Variants in NEK8 observed in about 807,000 individuals in gnomAD.
NEK8 encodes the protein serine/threonine-protein kinase Nek8.
Under a neutral mutation model 77.2 loss-of-function variants are expected in NEK8, and 51 were observed. The observed-to-expected ratio is 0.66, with a 90% confidence interval of 0.53 to 0.83. The LOEUF (loss-of-function observed/expected upper bound fraction) is 0.83, where lower values mean the gene tolerates loss of function less well. NEK8 is among the 40% of genes least tolerant of loss of function. NEK8 has a pLI of 0.00. For missense variants in NEK8, 787 were observed against 909.2 expected (o/e 0.87, Z 1.73); for synonymous variants, 365 against 363.2 (o/e 1.00, Z -0.06).
chr17:28,738,215 T>C lies in NEK8; in HGVS notation c.1192T>C (p.Cys398Arg), dbSNP rs1179235377. Reference sequence around the variant, plus strand: ...GGGTGTGACCATCAAGCACGTGGCCTGTGGGGACTTCTTCACTGCCTGCCT... The same window carrying C: ...GGGTGTGACCATCAAGCACGTGGCCCGTGGGGACTTCTTCACTGCCTGCCT... ...QSGVTIKHVACGDFFTACLTD... is the reference protein window; with the variant it reads ...QSGVTIKHVARGDFFTACLTD... The change falls in exon 8 of 15, where the codon TGT (cysteine) becomes CGT (arginine). Residue 398 changes from cysteine (C) to arginine (R), a missense_variant. Physicochemically the swap from Cys to Arg is radical, Grantham distance 180. Coordinates refer to ENST00000268766, the MANE Select transcript of NEK8 (RefSeq NM_178170.3). 6.2e-7 allele frequency: 1 copy of C among 1,614,192 alleles called. No individual in the cohort carries two copies. Among genetic ancestry groups the C allele is most frequent in the Non-Finnish European group, 8.5e-7 (1 of 1,180,018 alleles).
Position 28,730,101 on chromosome 17 carries a change from C to T in NEK8, c.47+1241C>T, listed in dbSNP as rs146653993. 2.3e-3 allele frequency among the ~76,000 whole-genome samples: 344 copies of T among 152,124 alleles called. 3 individuals carry two copies. The highest frequency in any genetic ancestry group is 7.5e-3 in the African/African-American group (310 of 41,526). On this transcript the variant is annotated intron_variant, in intron 1 of 14. Coordinates refer to ENST00000268766, the MANE Select transcript of NEK8 (RefSeq NM_178170.3). ...AGATAAAAGGTTCATTTGCCACAAA[C>T]GGTTTTGTTTTGTTTTTGTTTTTGT...
intron 1 of NEK8, among the ~76,000 whole-genome samples, chr17:28,731,563 A>T (rs1046606926): frequency 6.6e-6 from 1 of 151,936 alleles, no homozygotes; most frequent in African/African-American, 2.4e-5. Context: ...AGAAAAATAA[A>T]AAATCTTATC....
chr17:28,728,802 C>CT lies in NEK8; in HGVS notation c.-11dup, dbSNP rs1382489743. Reference sequence around the variant, plus strand: ...CCGCGTGGGGGACGGAAGTGAAACTCTAAGAAATGAGATGGAGAAGTACGA... The same window carrying CT: ...CCGCGTGGGGGACGGAAGTGAAACTCTTAAGAAATGAGATGGAGAAGTACGA... On this transcript the variant is annotated 5_prime_UTR_variant, in exon 1 of 15. Transcript: ENST00000268766. 16 of 1,551,014 alleles carry CT rather than the reference C, an allele frequency of 1.0e-5. No individual in the cohort carries two copies. The highest frequency in any genetic ancestry group is 5.9e-5 in the Admixed American group (3 of 50,994).
chr17:28,741,947 G>A lies in NEK8; in HGVS notation c.2051-12G>A. On this transcript the variant is annotated splice_polypyrimidine_tract_variant and intron_variant, in intron 14 of 14. Transcript: ENST00000268766. This position sits in a 1 kb window ranked among gnomAD's most constrained non-coding sequence, Gnocchi z 4.5. ...TCAGAAGCTGCAAGGGTTTCTCTTCGGTACCCTCCAGCGGTCACAGATGAG... is the reference window on the plus strand; with the variant it reads ...TCAGAAGCTGCAAGGGTTTCTCTTCAGTACCCTCCAGCGGTCACAGATGAG... 4.3e-6 allele frequency: 7 copies of A among 1,613,984 alleles called. No homozygotes were observed. Among genetic ancestry groups the A allele is most frequent in the Admixed American group, 1.7e-5 (1 of 60,014 alleles).
At position 28,738,183 on chromosome 17, in the gene NEK8, G is replaced by T. The variant is rs748643938; in HGVS notation, c.1160G>T (p.Gly387Val). Reference sequence around the variant, plus strand: ...CAGTTCATCTCGCGTTTCCTGGAGGGCCAGTCGGGTGTGACCATCAAGCAC... The same window carrying T: ...CAGTTCATCTCGCGTTTCCTGGAGGTCCAGTCGGGTGTGACCATCAAGCAC... ...QPQFISRFLE[G>V]QSGVTIKHVA... The change falls in exon 8 of 15, where the codon GGC becomes GTC. Residue 387 changes from glycine to valine, a missense_variant. Transcript: ENST00000268766. 6 of 1,614,068 alleles carry T rather than the reference G, an allele frequency of 3.7e-6. No homozygotes were observed. The East Asian group carries it at 1.3e-4, about 36-fold the overall frequency.
intron 1 of NEK8, among the ~76,000 whole-genome samples, chr17:28,732,677 G>A (rs1317854681): frequency 1.0e-4 from 15 of 147,232 alleles, no homozygotes; most frequent in Non-Finnish European, 1.8e-4. Context: ...TCAGCCTCCC[G>A]AGTAGCTGGG....
Position 28,735,345 on chromosome 17 carries a change from A to C in NEK8, c.592A>C (p.Ser198Arg). Residue 198 changes from serine (S) to arginine (R), a missense_variant, in exon 4 of 15, where the codon AGC becomes CGC. Physicochemically the swap from Ser to Arg is moderately radical, Grantham distance 110. This residue lies in a region of NEK8 where 271 missense variants were observed against 365.1 expected (regional missense o/e 0.74). Coordinates refer to ENST00000268766, the MANE Select transcript of NEK8 (RefSeq NM_178170.3). ...ALGCVLYELASLKRAFEAANL... is the reference protein window; with the variant it reads ...ALGCVLYELARLKRAFEAANL... The stretch of plus-strand genomic sequence containing the variant: ...GGGCTGTGTCCTCTACGAGCTGGCC[A>C]GCCTCAAGAGGGCTTTCGAGGCTGC... The C allele has an allele frequency of 6.2e-7, 1 of 1,614,044 alleles. No individual in the cohort carries two copies. Among genetic ancestry groups the C allele is most frequent in the South Asian group, 1.1e-5 (1 of 91,066 alleles).
intron 1 of NEK8, among the ~76,000 whole-genome samples, chr17:28,730,044 G>A (rs2034291677): frequency 6.6e-6 from 1 of 152,178 alleles, no homozygotes; most frequent in South Asian, 2.1e-4. Context: ...TAATTGTCGA[G>A]GGCGGGGACT....
intron 2 of NEK8, 126 bp from the exon 3 acceptor site, chr17:28,734,646 C>T: frequency 1.4e-6 from 1 of 699,950 alleles, no homozygotes; most frequent in East Asian, 2.7e-5. Flanking sequence ...GAGATCATGC[C>T]ACTGCACTCC....
Position 28,741,641 on chromosome 17 carries a change from T to A in NEK8, c.2050+70T>A. The A allele has an allele frequency of 6.6e-7, 1 of 1,508,020 alleles. No homozygotes were observed. Among genetic ancestry groups the A allele is most frequent in the Non-Finnish European group, 9.2e-7 (1 of 1,085,676 alleles). 93.4% of individuals were successfully genotyped at this position (1,508,020 alleles called of 1,614,324 possible). ...CCTGTCCACACTCCCATCCCCAGTG[T>A]TCACAGATGGCCACATCACCAAAAG... On this transcript the variant is annotated intron_variant, in intron 14 of 14. Transcript: ENST00000268766. This position sits in a 1 kb window ranked among gnomAD's most constrained non-coding sequence, Gnocchi z 4.5.
Position 28,740,879 on chromosome 17 carries a change from G to A in NEK8, c.1626G>A (p.Gln542=), listed in dbSNP as rs2034413899. ...LSLGEEPVPH[Q]QVEEALSFTL... ...TGGGGGAGGAGCCTGTCCCCCACCAGCAAGTGGAGGAGGCCCTGAGCTTCA... is the reference window on the plus strand; with the variant it reads ...TGGGGGAGGAGCCTGTCCCCCACCAACAAGTGGAGGAGGCCCTGAGCTTCA... Residue 542 remains glutamine, a synonymous_variant, in exon 12 of 15, where the codon CAG becomes CAA. Transcript: ENST00000268766. The surrounding 1 kb of genome is among the most constrained non-coding windows in gnomAD (Gnocchi z 4.7). 12 of 1,614,020 alleles carry A rather than the reference G, an allele frequency of 7.4e-6. No homozygotes were observed. The highest frequency in any genetic ancestry group is 1.7e-5 in the Admixed American group (1 of 60,008).
Position 28,741,486 on chromosome 17 carries a change from T to G in NEK8, c.1965T>G (p.Pro655=), listed in dbSNP as rs1472687770. The part of the protein sequence containing the change: ...LGRRDEDAGL[P]RPVQLDETHP... The stretch of plus-strand genomic sequence containing the variant: ...GGAGGGATGAGGATGCCGGACTCCC[T>G]CGGCCAGTGCAGTTGGATGAGACAC... The change falls in exon 14 of 15, where the codon CCT becomes CCG. Residue 655 remains proline, a synonymous_variant. Coordinates refer to ENST00000268766, the MANE Select transcript of NEK8 (RefSeq NM_178170.3). The surrounding 1 kb of genome is among the most constrained non-coding windows in gnomAD (Gnocchi z 4.5). The G allele has an allele frequency of 3.1e-6, 5 of 1,614,126 alleles. No homozygotes were observed. In the Admixed American group the frequency reaches 8.3e-5, roughly 27 times the overall value.
chr17:28,735,058 C>G (rs1478713338), intron 3 of NEK8, 54 bp downstream of exon 3: 1 of 1,514,008 alleles, frequency 6.6e-7, no homozygotes, highest in African/African-American at 1.4e-5. Context: ...AGGGCCAGGA[C>G]CTAACCCTGC....
rs749866369 is a variant in NEK8 at position 28,737,674 on chromosome 17, G to C, written c.828-1G>C. 4 of 1,614,166 alleles carry C rather than the reference G, an allele frequency of 2.5e-6. No homozygotes were observed. The Admixed American group carries it at 6.7e-5, about 27-fold the overall frequency. On this transcript the variant is annotated splice_acceptor_variant, in intron 5 of 14. Coordinates refer to ENST00000268766, the MANE Select transcript of NEK8 (RefSeq NM_178170.3). LOFTEE classifies it high-confidence loss of function. The surrounding 1 kb of genome is among the most constrained non-coding windows in gnomAD (Gnocchi z 4.8). ...TCCTTAGGCCCCCATCTGTCCTGCA[G>C]GGCAGAGAAGTCCGTGGCCCCCAGC...
At chr17:28,738,942 C>T in intron 9 of NEK8, 142 bp from the exon 10 acceptor site, 1 of 850,310 alleles carries the variant, frequency 1.2e-6, no homozygotes, top group East Asian at 2.4e-5. Flanking sequence ...GGTTGCCCAC[C>T]TGGCAGTGTG....
intron 8 of NEK8, 49 bp downstream of exon 8, chr17:28,738,294 G>A (rs1567761006): frequency 1.9e-6 from 3 of 1,607,922 alleles, no homozygotes; most frequent in Non-Finnish European, 2.6e-6. Context: ...GCCCCACAGA[G>A]CACCTTCTCT....
chr17:28,734,713 G>T, intron 2 of NEK8, 59 bp from the exon 3 acceptor site: 1 of 1,192,242 alleles, frequency 8.4e-7, no homozygotes. Flanking sequence ...AACAACAATG[G>T]AGAGGGGTTG....
chr17:28,737,913 A>G lies in NEK8; in HGVS notation c.984A>G (p.Pro328=), dbSNP rs1335338134. 1.9e-6 allele frequency: 3 copies of G among 1,613,688 alleles called. No homozygotes were observed. The highest frequency in any genetic ancestry group is 2.5e-6 in the Non-Finnish European group (3 of 1,179,980). Residue 328 remains proline (P), a synonymous_variant, in exon 7 of 15, where the codon CCA becomes CCG. Transcript: ENST00000268766. The surrounding 1 kb of genome is among the most constrained non-coding windows in gnomAD (Gnocchi z 4.8). ...GGGLGTPLRL[P]MLNTEVVQVA... is the part of the protein sequence containing the mutation. ...GGCTGGGCACCCCCCTGCGGCTGCC[A>G]ATGCTCAACACAGAGGTGGTCCAGG...
At chr17:28,739,552 G>A (rs958592237) in intron 10 of NEK8, among the ~76,000 whole-genome samples, 8 of 152,146 alleles carry the variant, frequency 5.3e-5, no homozygotes, top group East Asian at 3.9e-4. Context: ...GGGTTCAAGC[G>A]AATCTCCTGC....
Sources: gnomAD v4.1 joint callset for allele counts (sites outside exome capture counted in the v4.1 genomes callset) on GRCh38, gnomAD v4.1.1 for gene constraint, gnomAD v4.1.1 regional missense constraint, Gnocchi (gnomAD v3.1) non-coding constraint, MANE v1.5 for transcripts, NCBI Gene and HGNC (gene_info 2026-07-23, HGNC 2026-07-21) for gene names.